Variants in ZKSCAN7 observed in about 807,000 individuals in gnomAD.
ZKSCAN7 encodes the protein zinc finger protein with KRAB and SCAN domains 7.
In ZKSCAN7, 38 loss-of-function variants were observed where a neutral mutation model predicts 65.3. The observed-to-expected ratio is 0.58, with a 90% CI of 0.45 to 0.76. The LOEUF (loss-of-function observed/expected upper bound fraction) is 0.76. ZKSCAN7 is among the 30% of genes least tolerant of loss of function. ZKSCAN7 has a pLI of 0.00. For missense variants in ZKSCAN7, 815 were observed against 913.3 expected (o/e 0.89, Z 1.39); for synonymous variants, 321 against 321.0 (o/e 1.00, Z 0.00).
intron 2 of ZKSCAN7, 72 bp from the exon 3 acceptor site, chr3:44,565,415 C>A: frequency 7.1e-7 from 1 of 1,402,818 alleles, no homozygotes; most frequent in Non-Finnish European, 9.4e-7. Flanking sequence ...CTGGAGGGAG[C>A]TGCTTAGAGG....
chr3:44,580,682 C>G, intron 5 of ZKSCAN7: 8 of 1,613,984 alleles, frequency 5.0e-6, no homozygotes, highest in Non-Finnish European at 6.8e-6. Context: ...GGGAGAACCT[C>G]TGGCCCGTGC....
chr3:44,571,522 G>T lies in ZKSCAN7; in HGVS notation c.*147G>T, dbSNP rs2034475. On this transcript the variant is annotated 3_prime_UTR_variant, in exon 6 of 6. Transcript: ENST00000426540. The stretch of plus-strand genomic sequence containing the variant: ...TTGGATCACTAAGGTGGGAGAGTAG[G>T]AGTAACTTATTCCAGTTCTTACCCA... The T allele has an allele frequency of 0.28, 443,913 of 1,557,708 alleles. 68,459 individuals carry two copies. The highest frequency in any genetic ancestry group is 0.32 in the African/African-American group (23,257 of 73,616).
chr3:44,568,565 C>A, intron 5 of ZKSCAN7, 132 bp downstream of exon 5: 1 of 1,302,470 alleles, frequency 7.7e-7, no homozygotes, highest in South Asian at 1.5e-5. Flanking sequence ...AATATAGGGA[C>A]CCTTTCTGCA....
rs1699811520 is a variant in ZKSCAN7 at position 44,571,585 on chromosome 3, G to A, written c.*210G>A. 14 of 1,359,972 alleles carry A rather than the reference G, an allele frequency of 1.0e-5. No individual in the cohort carries two copies. The highest frequency in any genetic ancestry group is 1.3e-5 in the Non-Finnish European group (14 of 1,059,616). 84.2% of individuals were successfully genotyped at this position (1,359,972 alleles called of 1,614,324 possible). ...TAAGGACTACACATGTCATTGAATT[G>A]TAGGTTTCCTTTTTTTTTCTTTACT... On this transcript the variant is annotated 3_prime_UTR_variant, in exon 6 of 6. Coordinates refer to ENST00000426540, the MANE Select transcript of ZKSCAN7 (RefSeq NM_001288590.2).
At chr3:44,569,819 A>C in intron 5 of ZKSCAN7, 103 bp from the exon 6 acceptor site, 10 of 1,422,186 alleles carry the variant, frequency 7.0e-6, no homozygotes, top group Non-Finnish European at 8.3e-6. Flanking sequence ...CTCATTTCTT[A>C]ACCATAATGT....
chr3:44,568,197 C>T, intron 4 of ZKSCAN7, 110 bp from the exon 5 acceptor site: 1 of 1,549,762 alleles, frequency 6.5e-7, no homozygotes, highest in Middle Eastern at 1.9e-4. Flanking sequence ...CAGCTCCTCT[C>T]TCCCATACTT....
chr3:44,572,192 G>A (rs1034446540), downstream of ZKSCAN7: 7 of 985,186 alleles, frequency 7.1e-6, no homozygotes, highest in African/African-American at 8.7e-5. Context: ...AAGTATGCAC[G>A]ATCTTTCTCC....
Position 44,579,246 on chromosome 3 carries a change from C to T in ZKSCAN7, c.812-3726C>T, listed in dbSNP as rs527575582. 5.9e-5 allele frequency among the ~76,000 whole-genome samples: 9 copies of T among 152,328 alleles called. No individual in the cohort carries two copies. The East Asian group carries it at 7.7e-4, about 13-fold the overall frequency. ...GGCCCGCCTGTGGCGTCCAGCATCC[C>T]GAAGTGCTTGCGGCGCTCCTCCCGC... On this transcript the variant is annotated intron_variant, in intron 5 of 5. Coordinates refer to the ZKSCAN7 transcript ENST00000341840.
intron 5 of ZKSCAN7, among the ~76,000 whole-genome samples, chr3:44,582,287 CT>C (rs1053469161): frequency 2.6e-5 from 4 of 152,190 alleles, no homozygotes; most frequent in African/African-American, 7.2e-5. Context: ...TGCAGACTCC[CT>C]TTTAAGGCAT....
At position 44,570,876 on chromosome 3, in the gene ZKSCAN7, A is replaced by C. The variant is rs35320772; in HGVS notation, c.1766A>C (p.Asn589Thr). The change falls in exon 6 of 6, where the codon AAT (asparagine) becomes ACT (threonine). Residue 589 changes from asparagine (N) to threonine (T), a missense_variant. By Grantham distance (65) the Asn-to-Thr change is moderately conservative. Around this residue, in one of 3 missense-constraint regions of ZKSCAN7, gnomAD observed 578 missense variants for 629.5 expected, o/e 0.92. Transcript: ENST00000426540. ...YKCSECGKAFNQNSQLIEHER... is the reference protein window; with the variant it reads ...YKCSECGKAFTQNSQLIEHER... ...TGTAGTGAATGTGGGAAAGCCTTCA[A>C]TCAGAACTCTCAACTCATTGAGCAT... 42 of 1,613,470 alleles carry C rather than the reference A, an allele frequency of 2.6e-5. No individual in the cohort carries two copies. The South Asian group carries it at 4.3e-4, about 16-fold the overall frequency.
Position 44,571,547 on chromosome 3 carries a change from A to G in ZKSCAN7, c.*172A>G, listed in dbSNP as rs1699810513. 1.3e-6 allele frequency: 2 copies of G among 1,499,932 alleles called. No homozygotes were observed. Among genetic ancestry groups the G allele is most frequent in the Non-Finnish European group, 1.8e-6 (2 of 1,129,270 alleles). The allele number at this position is 1,499,932 out of a possible 1,614,324, so 92.9% of individuals were successfully genotyped here. On this transcript the variant is annotated 3_prime_UTR_variant, in exon 6 of 6. Transcript: ENST00000426540. ...GAGTAACTTATTCCAGTTCTTACCC[A>G]TTATTAGGAAGGTAAGGACTACACA...
Position 44,571,331 on chromosome 3 carries a change from C to T in ZKSCAN7, c.2221C>T (p.His741Tyr), listed in dbSNP as rs1193588380. ...CACTTTTAATCACCACCAGCGAACT[C>T]ACACTGGAGAGAAGTCCTCAGGTCT... ...RSTFNHHQRT[H>Y]TGEKSSGLAW... The change falls in exon 6 of 6, where the codon CAC (histidine) becomes TAC (tyrosine). Residue 741 changes from histidine (H) to tyrosine (Y), a missense_variant. By Grantham distance (83) the His-to-Tyr change is moderately conservative (BLOSUM62 2). Around this residue, in one of 3 missense-constraint regions of ZKSCAN7, gnomAD observed 578 missense variants for 629.5 expected, o/e 0.92. Coordinates refer to ENST00000426540, the MANE Select transcript of ZKSCAN7 (RefSeq NM_001288590.2). 7 of 1,614,224 alleles carry T rather than the reference C, an allele frequency of 4.3e-6. No individual in the cohort carries two copies. Among genetic ancestry groups the T allele is most frequent in the South Asian group, 1.1e-5 (1 of 91,090 alleles).
In ZKSCAN7 at chr3:44,578,185, C is replaced by T. The variant is rs116222136; in HGVS notation, c.812-4787C>T. On this transcript the variant is annotated intron_variant, in intron 5 of 5. Transcript: ENST00000341840. ...ATGTCACAGTCAGCCTTAGCCTTTG[C>T]GATGCTGAGCTCTGTGTAGATGTCT... The T allele has an allele frequency of 9.6e-4, 1,467 of 1,520,860 alleles. 13 individuals carry two copies. The African/African-American group carries it at 0.017, about 18-fold the overall frequency. 94.2% of individuals were successfully genotyped at this position (1,520,860 alleles called of 1,614,324 possible).
intron 5 of ZKSCAN7, chr3:44,578,218 G>A (rs975988248): frequency 1.9e-5 from 29 of 1,527,512 alleles, no homozygotes; most frequent in Admixed American, 3.3e-5. Context: ...TCTTTGTGGT[G>A]TCACTTGCGT....
In ZKSCAN7 at chr3:44,565,580, G is replaced by T. The variant is rs758549897; in HGVS notation, c.517G>T (p.Gly173Trp). ...KESPPTSPLS[G>W]GSAPGAHLEP... The stretch of plus-strand genomic sequence containing the variant: ...ATCTCCTCCTACCTCACCCCTCAGT[G>T]GGGGCTCAGCCCCTGGAGCCCACCT... The change falls in exon 3 of 6, where the codon GGG becomes TGG. Residue 173 changes from glycine to tryptophan, a missense_variant. Physicochemically the swap from Gly to Trp is radical, Grantham distance 184. Around this residue, in one of 3 missense-constraint regions of ZKSCAN7, gnomAD observed 227 missense variants for 253.3 expected, o/e 0.90. Transcript: ENST00000426540. 4 of 1,612,914 alleles carry T rather than the reference G, an allele frequency of 2.5e-6. No individual in the cohort carries two copies. Among genetic ancestry groups the T allele is most frequent in the East Asian group, 4.5e-5 (2 of 44,836 alleles).
In ZKSCAN7 at chr3:44,570,371, A is replaced by C; in HGVS notation, c.1261A>C (p.Arg421=). 6.2e-7 allele frequency: 1 copy of C among 1,613,926 alleles called. No homozygotes were observed. The highest frequency in any genetic ancestry group is 2.2e-5 in the East Asian group (1 of 44,848). Residue 421 remains arginine (R), a synonymous_variant, in exon 6 of 6, where the codon AGG becomes CGG. Transcript: ENST00000426540. Reference sequence around the variant, plus strand: ...GTGTAATGAGTGTGGGAAGACCTTCAGGCAAACCTCCCAGCTCATTGTTCA... The same window carrying C: ...GTGTAATGAGTGTGGGAAGACCTTCCGGCAAACCTCCCAGCTCATTGTTCA... ...YECNECGKTF[R]QTSQLIVHLR...
downstream of ZKSCAN7, among the ~76,000 whole-genome samples, chr3:44,572,841 C>G (rs71325027): frequency 2.9e-5 from 2 of 69,648 alleles, no homozygotes; most frequent in African/African-American, 1.1e-4. Context: ...CAGAGCGAGA[C>G]TCTGTCTCAA....
chr3:44,582,044 C>A (rs939223616), intron 5 of ZKSCAN7, among the ~76,000 whole-genome samples: 1 of 152,194 alleles, frequency 6.6e-6, no homozygotes. Context: ...GAAAGTAAAT[C>A]CCCTATCCCT....
chr3:44,568,564 A>G, intron 5 of ZKSCAN7, 131 bp downstream of exon 5: 5 of 1,311,810 alleles, frequency 3.8e-6, no homozygotes, highest in Non-Finnish European at 5.2e-6. Flanking sequence ...TAATATAGGG[A>G]CCCTTTCTGC....
Sources: gnomAD v4.1 joint callset for allele counts (sites outside exome capture counted in the v4.1 genomes callset) on GRCh38, gnomAD v4.1.1 for gene constraint, gnomAD v4.1.1 regional missense constraint, MANE v1.5 for transcripts, NCBI Gene and HGNC (gene_info 2026-07-23, HGNC 2026-07-21) for gene names.